Variants in COPS7B observed in about 807,000 individuals in gnomAD.
The protein encoded by COPS7B is COP9 signalosome complex subunit 7b.
Under a neutral mutation model 33.4 loss-of-function variants are expected in COPS7B, and 9 were observed. That is an observed-to-expected ratio of 0.27 (90% confidence interval 0.16 to 0.47). The LOEUF (loss-of-function observed/expected upper bound fraction) is 0.47, where lower values mean the gene tolerates loss of function less well. Among genes scored for constraint, COPS7B ranks in the 20% least tolerant of loss-of-function variants. The pLI is 0.99. For synonymous variants in COPS7B, 119 were observed against 126.3 expected (o/e 0.94, Z 0.39); for missense variants, 242 against 318.2 (o/e 0.76, Z 1.82).
Position 231,808,415 on chromosome 2 carries a change from G to A in COPS7B, c.*770G>A, listed in dbSNP as rs997472702. The A allele has an allele frequency of 1.0e-4, 49 of 471,376 alleles. No individual in the cohort carries two copies. In the Middle Eastern group the frequency reaches 3.9e-3, roughly 38 times the overall value. 29.2% of individuals were successfully genotyped at this position (471,376 alleles called of 1,614,324 possible). On this transcript the variant is annotated 3_prime_UTR_variant, in exon 7 of 7. Coordinates refer to ENST00000350033, the MANE Select transcript of COPS7B (RefSeq NM_022730.4). ...CTGACTACTCAGCCTTGTTTTCGGT[G>A]TGTAGGCCCCAGCTGCCCACTGGAA...
chr2:231,782,569 A>G (rs1480724992), upstream of COPS7B, among the ~76,000 whole-genome samples: 2 of 152,178 alleles, frequency 1.3e-5, no homozygotes, highest in African/African-American at 4.8e-5. Flanking sequence ...AATTCAACAA[A>G]TATCTTTTCA....
upstream of COPS7B, among the ~76,000 whole-genome samples, chr2:231,785,359 A>T (rs2049215055): frequency 6.6e-6 from 1 of 152,228 alleles, no homozygotes; most frequent in Non-Finnish European, 1.5e-5. Flanking sequence ...CCCTGGGGTC[A>T]AACCACTCTG....
intron 6 of COPS7B, among the ~76,000 whole-genome samples, chr2:231,804,077 A>G (rs575808551): frequency 6.6e-6 from 1 of 152,146 alleles, no homozygotes; most frequent in South Asian, 2.1e-4. Flanking sequence ...TCACTTTCTG[A>G]TAGGCTGATA....
rs563833482 is a variant in COPS7B at position 231,807,986 on chromosome 2, T to G, written c.*341T>G. ...GCTCCACGTCATTTTGTCAGGCTGG[T>G]TATAAGCCGGAGGCAGCTTTAACCA... On this transcript the variant is annotated 3_prime_UTR_variant, in exon 7 of 7. Transcript: ENST00000350033. The G allele has an allele frequency of 1.9e-5, 4 of 212,502 alleles. No homozygotes were observed. The South Asian group carries it at 3.6e-4, about 19-fold the overall frequency. The allele number at this position is 212,502 out of a possible 1,614,324, so 13.2% of individuals were successfully genotyped here. A position where few individuals can be genotyped will look rare whatever the true frequency, so the allele number is the denominator to read the frequency against.
chr2:231,805,446 TTA>T (rs67709919), intron 6 of COPS7B, among the ~76,000 whole-genome samples: 71,588 of 138,462 alleles, frequency 0.52, 18,903 homozygotes, highest in East Asian at 0.89. Flanking sequence ...TTTTTAAATT[TTA>T]TATATATATA....
chr2:231,793,217 T>G (rs962142566), intron 3 of COPS7B, among the ~76,000 whole-genome samples: 1 of 152,188 alleles, frequency 6.6e-6, no homozygotes, highest in Non-Finnish European at 1.5e-5. Flanking sequence ...GAATTTAGAA[T>G]TTTTGGGACT....
intron 2 of COPS7B, chr2:231,789,117 A>G (rs560377508): frequency 5.4e-6 from 1 of 185,282 alleles, no homozygotes; most frequent in Admixed American, 5.4e-5. Context: ...CAGCAGAAAC[A>G]TACTGCTATT....
chr2:231,781,764 C>G, upstream of COPS7B: 2 of 1,439,332 alleles, frequency 1.4e-6, no homozygotes, highest in Non-Finnish European at 9.5e-7. Context: ...CTGAGTTGGT[C>G]GTTTCGGAAT....
intron 6 of COPS7B, among the ~76,000 whole-genome samples, chr2:231,803,714 A>G (rs566693464): frequency 2.4e-4 from 37 of 152,366 alleles, no homozygotes; most frequent in African/African-American, 7.9e-4. Flanking sequence ...GTGGCAGTAC[A>G]GAAATGAAGC....
chr2:231,784,197 A>C (rs1458510417), upstream of COPS7B, among the ~76,000 whole-genome samples: 2 of 152,026 alleles, frequency 1.3e-5, no homozygotes, highest in African/African-American at 4.8e-5. Flanking sequence ...CAGTGCAGCC[A>C]CTGCCTGGGC....
upstream of COPS7B, among the ~76,000 whole-genome samples, chr2:231,785,853 G>C (rs1216598141): frequency 2.0e-5 from 3 of 152,166 alleles, no homozygotes; most frequent in Non-Finnish European, 4.4e-5. Flanking sequence ...AACCATTGTT[G>C]GCTTAACCCA....
chr2:231,796,924 C>T (rs190063703), intron 5 of COPS7B, among the ~76,000 whole-genome samples: 26 of 152,256 alleles, frequency 1.7e-4, no homozygotes, highest in African/African-American at 6.3e-4. Flanking sequence ...TTTGTGTTTT[C>T]TCTGTTTTAA....
chr2:231,794,752 A>T (rs542342429), intron 4 of COPS7B, among the ~76,000 whole-genome samples: 12 of 151,990 alleles, frequency 7.9e-5, no homozygotes, highest in Non-Finnish European at 4.4e-5. Flanking sequence ...GACTTGCTAG[A>T]TTTTTTGTTG....
upstream of COPS7B, chr2:231,781,794 C>T (rs564372893): frequency 3.2e-6 from 5 of 1,545,046 alleles, no homozygotes; most frequent in African/African-American, 6.9e-5. Context: ...TGAAACCCAA[C>T]GGGAAGACCC....
chr2:231,807,489 T>C lies in COPS7B; in HGVS notation c.639T>C (p.Val213=), dbSNP rs200087852. The part of the protein sequence containing the change: ...NRTQQQVEAE[V]TNIKKTLKAT... ...CCAATTCTATATCTCCCCACCAGGT[T>C]ACCAACATCAAGAAGACACTCAAAG... The change falls in exon 7 of 7, where the codon GTT becomes GTC. Residue 213 remains valine, a splice_region_variant and synonymous_variant. Coordinates refer to ENST00000350033, the MANE Select transcript of COPS7B (RefSeq NM_022730.4). The C allele has an allele frequency of 1.2e-6, 2 of 1,611,070 alleles. No individual in the cohort carries two copies. Among genetic ancestry groups the C allele is most frequent in the Admixed American group, 3.4e-5 (2 of 59,488 alleles).
At chr2:231,781,768 T>G, upstream of COPS7B, 3 of 1,485,234 alleles carry the variant, frequency 2.0e-6, no homozygotes, top group Non-Finnish European at 2.8e-6. Context: ...GTTGGTCGTT[T>G]CGGAATCCCG....
Position 231,808,282 on chromosome 2 carries a change from C to T in COPS7B, c.*637C>T, listed in dbSNP as rs900999666. 1.3e-5 allele frequency: 5 copies of T among 376,884 alleles called. No homozygotes were observed. The highest frequency in any genetic ancestry group is 2.7e-5 in the Non-Finnish European group (5 of 184,606). 23.3% of individuals were successfully genotyped at this position (376,884 alleles called of 1,614,324 possible). On this transcript the variant is annotated 3_prime_UTR_variant, in exon 7 of 7. Coordinates refer to ENST00000350033, the MANE Select transcript of COPS7B (RefSeq NM_022730.4). ...CAATTAGTTGAGAGCGCTGGGTTGA[C>T]TAACCTCTGGTATCTGAGCACAGAC...
At chr2:231,793,341 A>T (rs145428720) in intron 3 of COPS7B, among the ~76,000 whole-genome samples, 99 of 152,346 alleles carry the variant, frequency 6.5e-4, no homozygotes, top group African/African-American at 2.3e-3. Context: ...CACCAGGTGA[A>T]TTTCAGCACC....
At chr2:231,793,464 G>C (rs554381833) in intron 3 of COPS7B, 3 of 152,482 alleles carry the variant, frequency 2.0e-5, no homozygotes, top group Non-Finnish European at 4.4e-5. Context: ...CTGGATGTGT[G>C]TATGTACGTG....
Sources: allele counts gnomAD v4.1 joint callset (sites outside exome capture counted in the v4.1 genomes callset), GRCh38; gene constraint gnomAD v4.1.1; transcripts MANE v1.5; gene names NCBI Gene and HGNC (gene_info 2026-07-23, HGNC 2026-07-21).